COL28A1: variants seen among roughly 807,000 people sequenced by gnomAD.
The protein encoded by COL28A1 is collagen type XXVIII alpha 1 chain, also known as collagen alpha-1(XXVIII) chain.
A neutral mutation model predicts 150.2 loss-of-function variants in COL28A1; 161 were observed. The ratio of observed to expected loss-of-function variants is 1.07; its 90% CI spans 0.94 to 1.22. COL28A1 has a LOEUF of 1.22. COL28A1 is among the 50% of genes most tolerant of loss of function. The pLI is 0.00. For missense variants in COL28A1, 1,617 were observed against 1,388.3 expected, an observed-to-expected ratio of 1.16 and a Z score of -2.62; for synonymous variants, 552 against 469.7, an observed-to-expected ratio of 1.18 and a Z score of -2.26.
intron 25 of COL28A1, among the ~76,000 whole-genome samples, chr7:7,431,907 G>A (rs1302596243): frequency 3.3e-5 from 5 of 152,206 alleles, no homozygotes; most frequent in Non-Finnish European, 7.3e-5. Flanking sequence ...AGGTGTGGAG[G>A]AAGGAGAAGG....
intron 20 of COL28A1, among the ~76,000 whole-genome samples, chr7:7,441,164 G>C (rs891509740): frequency 4.6e-5 from 7 of 152,224 alleles, no homozygotes; most frequent in Admixed American, 6.5e-5. Flanking sequence ...TCTATTAACA[G>C]ATGGTTCTGA....
At chr7:7,498,739 G>C (rs1006575424) in intron 11 of COL28A1, among the ~76,000 whole-genome samples, 1 of 152,150 alleles carries the variant, frequency 6.6e-6, no homozygotes, top group Admixed American at 6.5e-5. Context: ...TAATTACAAA[G>C]AAAACATTCT....
chr7:7,524,966 T>C (rs183138052), intron 3 of COL28A1, among the ~76,000 whole-genome samples: 1 of 152,334 alleles, frequency 6.6e-6, no homozygotes, highest in Admixed American at 6.5e-5. Context: ...GAATAATATT[T>C]TGGTAAAAAT....
Position 7,373,849 on chromosome 7 carries a change from G to A in COL28A1, c.2360-303C>T, listed in dbSNP as rs372986788. Among the ~76,000 whole-genome samples, 9 of 151,212 alleles carry A rather than the reference G, an allele frequency of 6.0e-5. No homozygotes were observed. Among genetic ancestry groups the A allele is most frequent in the Non-Finnish European group, 1.0e-4 (7 of 67,824 alleles). On this transcript the variant is annotated intron_variant, in intron 31 of 34. Coordinates refer to ENST00000399429, the MANE Select transcript of COL28A1 (RefSeq NM_001037763.3). The surrounding 1 kb of genome is among the most constrained non-coding windows in gnomAD (Gnocchi z 4.1). ...CGAGTAGCTGGGACTACAGGCGCCCGCCACCTCGCCTGGCTAATTTTTTGT... is the reference window on the plus strand; with the variant it reads ...CGAGTAGCTGGGACTACAGGCGCCCACCACCTCGCCTGGCTAATTTTTTGT...
chr7:7,487,288 A>T (rs74340761), intron 13 of COL28A1, among the ~76,000 whole-genome samples: 13,504 of 152,160 alleles, frequency 0.089, 620 homozygotes, highest in Middle Eastern at 0.15. Flanking sequence ...ATATTTAAAA[A>T]TTTTTTACGC....
Position 7,477,156 on chromosome 7 carries a change from G to T in COL28A1, c.1189C>A (p.Pro397Thr). The change falls in exon 14 of 35, where the codon CCA becomes ACA. Residue 397 changes from proline (P) to threonine (T), a missense_variant. Transcript: ENST00000399429. ...QPGPRGPEGV[P>T]GERGLPGEGF... ...TCTCCGGGTAAGCCCCTCTCTCCTG[G>T]TACTCCCTCAGGACCACGGGGACCC... The T allele has an allele frequency of 1.5e-6, 2 of 1,331,776 alleles. No homozygotes were observed. Among genetic ancestry groups the T allele is most frequent in the Non-Finnish European group, 2.2e-6 (2 of 921,868 alleles). 82.5% of individuals were successfully genotyped at this position (1,331,776 alleles called of 1,614,324 possible).
chr7:7,519,866 T>C (rs1293415638), intron 6 of COL28A1, among the ~76,000 whole-genome samples, 196 bp downstream of exon 6: 1 of 152,198 alleles, frequency 6.6e-6, no homozygotes, highest in Non-Finnish European at 1.5e-5. Flanking sequence ...TGTTCATATA[T>C]GTTACTCAGA....
chr7:7,521,786 C>T lies in COL28A1; in HGVS notation c.759+119G>A, dbSNP rs1042726271. 8 of 697,226 alleles carry T rather than the reference C, an allele frequency of 1.1e-5. No homozygotes were observed. The African/African-American group carries it at 1.3e-4, about 11-fold the overall frequency. The allele number at this position is 697,226 out of a possible 1,614,324, so 43.2% of individuals were successfully genotyped here. ...GAAAGAAGTAGCATTTCCATTTTTCCTCCCATTTCCAAACAATTGCTTTTC... is the reference window on the plus strand; with the variant it reads ...GAAAGAAGTAGCATTTCCATTTTTCTTCCCATTTCCAAACAATTGCTTTTC... On this transcript the variant is annotated intron_variant, in intron 5 of 34. Transcript: ENST00000399429.
chr7:7,506,183 G>C lies in COL28A1; in HGVS notation c.973-116C>G, dbSNP rs1780799848. ...TCGAAGTTAGACTGTGTAACTCAGA[G>C]CTAAATTGAAATCACATTCAATCGA... On this transcript the variant is annotated intron_variant, in intron 10 of 34. Coordinates refer to ENST00000399429, the MANE Select transcript of COL28A1 (RefSeq NM_001037763.3). The C allele has an allele frequency of 4.3e-5, 27 of 630,668 alleles. No homozygotes were observed. In the South Asian group the frequency reaches 5.1e-4, roughly 12 times the overall value. 39.1% of individuals were successfully genotyped at this position (630,668 alleles called of 1,614,324 possible).
At chr7:7,487,841 A>G (rs1199618832) in intron 13 of COL28A1, among the ~76,000 whole-genome samples, 2 of 152,188 alleles carry the variant, frequency 1.3e-5, no homozygotes, top group African/African-American at 4.8e-5. Flanking sequence ...TAAGCTTTAC[A>G]TGATGAGTGG....
chr7:7,355,847 G>T (rs2024256), downstream of COL28A1, among the ~76,000 whole-genome samples: 6 of 152,070 alleles, frequency 3.9e-5, no homozygotes, highest in Admixed American at 2.0e-4. Flanking sequence ...ATATACCCCA[G>T]AAAAACACTG....
At chr7:7,457,896 G>C (rs925614470) in intron 15 of COL28A1, among the ~76,000 whole-genome samples, 3 of 152,170 alleles carry the variant, frequency 2.0e-5, no homozygotes, top group African/African-American at 7.2e-5. Context: ...GACTACATTA[G>C]GGCCGCAAAA....
intron 18 of COL28A1, among the ~76,000 whole-genome samples, chr7:7,446,567 C>CT (rs1306996026): frequency 1.3e-5 from 2 of 151,934 alleles, no homozygotes; most frequent in African/African-American, 4.8e-5. Flanking sequence ...ACAAACATTT[C>CT]TAAAAAAAAT....
chr7:7,431,697 G>T, intron 25 of COL28A1: 1 of 447,760 alleles, frequency 2.2e-6, no homozygotes, highest in South Asian at 1.6e-5. Context: ...TATATGCTCT[G>T]ATTTACGGTT....
At chr7:7,440,915 C>A in intron 20 of COL28A1, 54 bp from the exon 21 acceptor site, 1 of 866,880 alleles carries the variant, frequency 1.2e-6, no homozygotes, top group South Asian at 1.4e-5. Context: ...GCAACCTCCC[C>A]TAATCTAGCA....
downstream of COL28A1, among the ~76,000 whole-genome samples, chr7:7,352,408 T>C (rs1383199033): frequency 2.0e-5 from 3 of 152,164 alleles, no homozygotes; most frequent in Non-Finnish European, 2.9e-5. Context: ...CAAAAGGGAC[T>C]TTGTAGATGT....
intron 33 of COL28A1, among the ~76,000 whole-genome samples, chr7:7,361,051 T>C (rs1368893889): frequency 6.6e-6 from 1 of 152,008 alleles, no homozygotes; most frequent in Non-Finnish European, 1.5e-5. Flanking sequence ...ACAGCTGAAA[T>C]AAAAACAATA....
chr7:7,457,606 C>T (rs1163779118), intron 15 of COL28A1, among the ~76,000 whole-genome samples: 3 of 152,070 alleles, frequency 2.0e-5, no homozygotes, highest in Non-Finnish European at 4.4e-5. Context: ...ATATTAAAGG[C>T]CATAATTGAG....
chr7:7,354,029 A>G (rs1052446927), downstream of COL28A1, among the ~76,000 whole-genome samples: 1 of 148,594 alleles, frequency 6.7e-6, no homozygotes, highest in Non-Finnish European at 1.5e-5. Context: ...AGAAAAAAAA[A>G]TTTTTTTTTT....
Sources: allele counts gnomAD v4.1 joint callset (sites outside exome capture counted in the v4.1 genomes callset), GRCh38; gene constraint gnomAD v4.1.1; non-coding constraint Gnocchi (gnomAD v3.1); transcripts MANE v1.5; gene names NCBI Gene and HGNC (gene_info 2026-07-23, HGNC 2026-07-21).